The following LMX1B variants were observed in gnomAD, a reference collection of about 807,000 sequenced individuals.
The protein encoded by LMX1B is LIM homeobox transcription factor 1-beta.
In LMX1B, 12 loss-of-function variants were observed where a neutral mutation model predicts 51.4. The ratio of observed to expected loss-of-function variants is 0.23; its 90% CI spans 0.15 to 0.38. The LOEUF (loss-of-function observed/expected upper bound fraction) is 0.38. Ranked by LOEUF, LMX1B falls within the 10% of genes least tolerant of loss-of-function variation. LMX1B has a pLI of 1.00. For missense variants in LMX1B, 445 were observed against 571.1 expected (o/e 0.78, Z 2.25); for synonymous variants, 237 against 235.4 (o/e 1.01, Z -0.06).
chr9:126,665,252 G>C (rs1049955358), intron 2 of LMX1B, among the ~76,000 whole-genome samples: 2 of 152,228 alleles, frequency 1.3e-5, no homozygotes, highest in South Asian at 2.1e-4. Flanking sequence ...ACCTGATTTG[G>C]GGGGAGGGGC....
intron 2 of LMX1B, among the ~76,000 whole-genome samples, chr9:126,656,445 T>C (rs576310356): frequency 6.6e-6 from 1 of 152,168 alleles, no homozygotes; most frequent in African/African-American, 2.4e-5. Context: ...ATAGGATAGA[T>C]AGATCCTCAG....
At chr9:126,682,315 A>T (rs1007205179) in intron 2 of LMX1B, among the ~76,000 whole-genome samples, 8 of 151,770 alleles carry the variant, frequency 5.3e-5, no homozygotes, top group African/African-American at 1.9e-4. Context: ...GTCGGCTGGA[A>T]TGTGTGTCTC....
At chr9:126,635,054 C>T (rs1485920324) in intron 2 of LMX1B, among the ~76,000 whole-genome samples, 2 of 152,208 alleles carry the variant, frequency 1.3e-5, no homozygotes, top group South Asian at 2.1e-4. Flanking sequence ...CAGGCACAAG[C>T]GCCATATGAA....
chr9:126,634,791 TGGAGAGGTG>T (rs1588270911), intron 2 of LMX1B, among the ~76,000 whole-genome samples: 1 of 152,150 alleles, frequency 6.6e-6, no homozygotes, highest in African/African-American at 2.4e-5. Context: ...GGGTGCTGCC[TGGAGAGGTG>T]GGAGAGCTTT....
chr9:126,637,822 T>TTCCCC (rs1564151130), intron 2 of LMX1B, among the ~76,000 whole-genome samples: 14 of 92,058 alleles, frequency 1.5e-4, no homozygotes, highest in Non-Finnish European at 1.5e-4. Flanking sequence ...GTGCCTGTCC[T>TTCCCC]CCCCCCCCCC....
chr9:126,667,679 A>G (rs939282860), intron 2 of LMX1B, among the ~76,000 whole-genome samples: 2 of 152,224 alleles, frequency 1.3e-5, no homozygotes, highest in African/African-American at 4.8e-5. Flanking sequence ...AAAAACCCTG[A>G]GAGTCCTGGC....
Position 126,625,896 on chromosome 9 carries a change from G to C in LMX1B, c.326+10327G>C, listed in dbSNP as rs1343164964. Reference sequence around the variant, plus strand: ...CCGAGGCTTGGGCTTTAGCCGTGGCGCTCGCCTCGGCGCAGTGGGGAGCCG... The same window carrying C: ...CCGAGGCTTGGGCTTTAGCCGTGGCCCTCGCCTCGGCGCAGTGGGGAGCCG... On this transcript the variant is annotated intron_variant, in intron 2 of 7. Coordinates refer to ENST00000373474, the MANE Select transcript of LMX1B (RefSeq NM_001174147.2). This position sits in a 1 kb window ranked among gnomAD's most constrained non-coding sequence, Gnocchi z 5.3. Among the ~76,000 whole-genome samples the C allele has an allele frequency of 6.6e-6, 1 of 152,224 alleles. No individual in the cohort carries two copies. Among genetic ancestry groups the C allele is most frequent in the Admixed American group, 6.5e-5 (1 of 15,290 alleles).
chr9:126,693,557 A>G lies in LMX1B; in HGVS notation c.775A>G (p.Ser259Gly), dbSNP rs771692780. Residue 259 changes from serine to glycine, a missense_variant, in exon 5 of 8, where the codon AGT (serine) becomes GGT (glycine). Ser to Gly is a moderately conservative substitution (Grantham distance 56, BLOSUM62 0). This residue lies in a region of LMX1B where 10 missense variants were observed against 39.9 expected (regional missense o/e 0.25). Transcript: ENST00000373474. ...GACACTGGCAGCTGAGACGGGCCTC[A>G]GTGTGCGCGTGGTCCAGGTCTGGTT... ...RETLAAETGL[S>G]VRVVQVWFQN... The G allele has an allele frequency of 2.5e-6, 4 of 1,614,012 alleles. No homozygotes were observed. Among genetic ancestry groups the G allele is most frequent in the Non-Finnish European group, 8.5e-7 (1 of 1,180,012 alleles).
chr9:126,669,175 G>A (rs1836401184), intron 2 of LMX1B, among the ~76,000 whole-genome samples: 1 of 152,234 alleles, frequency 6.6e-6, no homozygotes, highest in Non-Finnish European at 1.5e-5. Flanking sequence ...GGCATTCCAT[G>A]CGGCGAGGGT....
Position 126,671,235 on chromosome 9 carries a change from C to G in LMX1B, c.327-19601C>G, listed in dbSNP as rs1295351631. Among the ~76,000 whole-genome samples the G allele has an allele frequency of 6.6e-6, 1 of 152,226 alleles. No individual in the cohort carries two copies. The highest frequency in any genetic ancestry group is 2.4e-5 in the African/African-American group (1 of 41,456). ...TCTGAGCTGGGGGGAGGGGACCCCGCTCGGAAATCGGTCATAAATTTCTTG... is the reference window on the plus strand; with the variant it reads ...TCTGAGCTGGGGGGAGGGGACCCCGGTCGGAAATCGGTCATAAATTTCTTG... On this transcript the variant is annotated intron_variant, in intron 2 of 7. Transcript: ENST00000373474. This position sits in a 1 kb window ranked among gnomAD's most constrained non-coding sequence, Gnocchi z 4.4.
chr9:126,634,358 A>G (rs1472516061), intron 2 of LMX1B, among the ~76,000 whole-genome samples: 1 of 152,190 alleles, frequency 6.6e-6, no homozygotes, highest in African/African-American at 2.4e-5. Flanking sequence ...TCAGTTTCAT[A>G]CAGGCATTCC....
chr9:126,692,076 C>G (rs1317620318), intron 3 of LMX1B, among the ~76,000 whole-genome samples: 4 of 152,234 alleles, frequency 2.6e-5, no homozygotes, highest in Non-Finnish European at 5.9e-5. Context: ...CATGGGTAAC[C>G]TGGAGCCCTC....
At position 126,682,081 on chromosome 9, in the gene LMX1B, G is replaced by GCCTTTTT. The variant is rs755608375; in HGVS notation, c.327-8755_327-8754insCCTTTTT. On this transcript the variant is annotated intron_variant, in intron 2 of 7. Coordinates refer to ENST00000373474, the MANE Select transcript of LMX1B (RefSeq NM_001174147.2). ...TACTTGCAGATACTTGGTCCCCAGGGTCTTTTTTTTTTTTTTTTTTTTTTT... is the reference window on the plus strand; with the variant it reads ...TACTTGCAGATACTTGGTCCCCAGGGCCTTTTTTCTTTTTTTTTTTTTTTTTTTTTTT... Among the ~76,000 whole-genome samples the GCCTTTTT allele has an allele frequency of 8.0e-3, 650 of 81,162 alleles. 52 individuals carry two copies. Among genetic ancestry groups the GCCTTTTT allele is most frequent in the African/African-American group, 0.026 (465 of 17,974 alleles). The allele number at this position is 81,162 out of a possible 152,430, so 53.2% of individuals were successfully genotyped here.
At chr9:126,643,559 C>T (rs991583129) in intron 2 of LMX1B, among the ~76,000 whole-genome samples, 3 of 152,194 alleles carry the variant, frequency 2.0e-5, no homozygotes, top group Non-Finnish European at 4.4e-5. Context: ...CACAGCTGAG[C>T]AGCTCAACAA....
rs147249558 is a variant in LMX1B at position 126,656,474 on chromosome 9, C to G, written c.327-34362C>G. On this transcript the variant is annotated intron_variant, in intron 2 of 7. Coordinates refer to ENST00000373474, the MANE Select transcript of LMX1B (RefSeq NM_001174147.2). ...TCCTCAGAGGCCATCTCCCCAGGCTCATGGTTTCAGACAGACAAGGACGAA... is the reference window on the plus strand; with the variant it reads ...TCCTCAGAGGCCATCTCCCCAGGCTGATGGTTTCAGACAGACAAGGACGAA... Among the ~76,000 whole-genome samples, 1,065 of 152,220 alleles carry G rather than the reference C, an allele frequency of 7.0e-3. 13 individuals carry two copies. The highest frequency in any genetic ancestry group is 0.025 in the African/African-American group (1,018 of 41,512).
At chr9:126,672,869 T>G (rs1836485144) in intron 2 of LMX1B, among the ~76,000 whole-genome samples, 1 of 152,168 alleles carries the variant, frequency 6.6e-6, no homozygotes, top group Non-Finnish European at 1.5e-5. Flanking sequence ...AGCGTTGGCT[T>G]TTATCGCTTG....
chr9:126,654,804 T>A (rs543279242), intron 2 of LMX1B, among the ~76,000 whole-genome samples: 1 of 152,266 alleles, frequency 6.6e-6, no homozygotes, highest in South Asian at 2.1e-4. Flanking sequence ...GTATCTCTCA[T>A]CTTTACTCCC....
chr9:126,646,994 A>C (rs1021017081), intron 2 of LMX1B, among the ~76,000 whole-genome samples: 4 of 152,322 alleles, frequency 2.6e-5, no homozygotes, highest in Non-Finnish European at 2.9e-5. Context: ...GGATCAGGGA[A>C]GGTCTTATGT....
rs767072869 is a variant in LMX1B at position 126,690,978 on chromosome 9, G to A, written c.469G>A (p.Val157Met). The A allele has an allele frequency of 1.5e-5, 25 of 1,613,954 alleles. No individual in the cohort carries two copies. Among genetic ancestry groups the A allele is most frequent in the African/African-American group, 4.0e-5 (3 of 74,924 alleles). Residue 157 changes from valine to methionine, a missense_variant, in exon 3 of 8, where the codon GTG (valine) becomes ATG (methionine). Val to Met is a conservative substitution (Grantham distance 21). Transcript: ENST00000373474. ...ERQLRKGDEF[V>M]LKEGQLLCKG... ...GCAGCTACGCAAGGGCGACGAATTC[G>A]TGCTCAAGGAGGGCCAGCTGCTGTG... is the stretch of plus-strand genomic sequence containing the variant.
Sources: allele counts gnomAD v4.1 joint callset (sites outside exome capture counted in the v4.1 genomes callset), GRCh38; gene constraint gnomAD v4.1.1; regional missense constraint gnomAD v4.1.1; non-coding constraint Gnocchi (gnomAD v3.1); transcripts MANE v1.5; gene names NCBI Gene and HGNC (gene_info 2026-07-23, HGNC 2026-07-21).